Variants in DOCK1 observed in about 807,000 individuals in gnomAD.
DOCK1 encodes dedicator of cytokinesis protein 1.
In DOCK1, 138 loss-of-function variants were observed where a neutral mutation model predicts 262.7. That is an observed-to-expected ratio of 0.53 (90% CI 0.46 to 0.61). DOCK1 has a LOEUF of 0.61. Among genes scored for constraint, DOCK1 ranks in the 20% least tolerant of loss-of-function variants. The pLI, the probability that DOCK1 is intolerant of heterozygous loss-of-function variation, is 0.00. For missense variants in DOCK1, 1,908 were observed against 2,370.7 expected (o/e 0.80, Z 4.05); for synonymous variants, 866 against 867.4 (o/e 1.00, Z 0.03).
At chr10:127,384,746 G>A (rs1365757027) in intron 37 of DOCK1, 44 bp from the exon 38 acceptor site, 7 of 1,506,898 alleles carry the variant, frequency 4.6e-6, no homozygotes, top group Non-Finnish European at 6.2e-6. Context: ...GACGTCCCTG[G>A]GTGTTTCCGC....
rs962280612 is a variant in DOCK1 at position 127,176,857 on chromosome 10, C to A, written c.2847+49093C>A. The A allele has an allele frequency of 6.4e-6, 1 of 155,554 alleles. No homozygotes were observed. The highest frequency in any genetic ancestry group is 2.4e-5 in the African/African-American group (1 of 41,436). The allele number at this position is 155,554 out of a possible 1,614,324, so 9.6% of individuals were successfully genotyped here. A position where few individuals can be genotyped will look rare whatever the true frequency, so the allele number is the denominator to read the frequency against. The stretch of plus-strand genomic sequence containing the variant: ...AATCTATTGCTGGAATCTGGGAGAG[C>A]TGCTGTTTTAAAGACTTACTGGAGC... On this transcript the variant is annotated intron_variant, in intron 27 of 51. Transcript: ENST00000623213. The surrounding 1 kb of genome is among the most constrained non-coding windows in gnomAD (Gnocchi z 4.4).
At chr10:127,089,571 G>A (rs1211069699) in intron 23 of DOCK1, among the ~76,000 whole-genome samples, 2 of 152,180 alleles carry the variant, frequency 1.3e-5, no homozygotes, top group African/African-American at 4.8e-5. Context: ...ATAGGAAAGA[G>A]CCTCCCTCCC....
At chr10:127,019,358 G>A (rs151043571) in intron 13 of DOCK1, among the ~76,000 whole-genome samples, 24 of 152,232 alleles carry the variant, frequency 1.6e-4, no homozygotes, top group Admixed American at 1.4e-3. Context: ...TCCAAATAAC[G>A]TTCCTAATAA....
At chr10:127,089,449 C>T (rs1180686805) in intron 23 of DOCK1, among the ~76,000 whole-genome samples, 1 of 152,130 alleles carries the variant, frequency 6.6e-6, no homozygotes, top group Admixed American at 6.5e-5. Flanking sequence ...CACTTTGTTT[C>T]CTTCCATTCT....
At position 127,122,227 on chromosome 10, in the gene DOCK1, C is replaced by G. The variant is rs535998764; in HGVS notation, c.2624-3247C>G. On this transcript the variant is annotated intron_variant, in intron 25 of 51. Transcript: ENST00000623213. ...TGGGGAATTGCCTTTCTTTGGGGGC[C>G]TGGGATGGGTTGCTGTGGACCAGGT... Among the ~76,000 whole-genome samples the G allele has an allele frequency of 1.3e-5, 2 of 152,230 alleles. 1 individual carries two copies. Among genetic ancestry groups the G allele is most frequent in the African/African-American group, 4.8e-5 (2 of 41,540 alleles).
chr10:127,136,942 A>G (rs2050753522), intron 27 of DOCK1: 1 of 152,664 alleles, frequency 6.6e-6, no homozygotes, highest in Admixed American at 6.5e-5. Context: ...GCCATGGCAC[A>G]GAATGCCTGT....
At chr10:127,214,486 C>G (rs1183688941) in intron 27 of DOCK1, among the ~76,000 whole-genome samples, 2 of 152,202 alleles carry the variant, frequency 1.3e-5, no homozygotes, top group Admixed American at 6.5e-5. Flanking sequence ...TGTGGTTTTG[C>G]AGTCTCTCCA....
chr10:127,099,365 G>C (rs912562688), intron 23 of DOCK1, among the ~76,000 whole-genome samples: 7 of 152,120 alleles, frequency 4.6e-5, no homozygotes, highest in African/African-American at 9.7e-5. Context: ...TTCCATTGCA[G>C]TCCAAATAGG....
In DOCK1 at chr10:127,275,956, G is replaced by A. The variant is rs147931373; in HGVS notation, c.3044+18527G>A. Among the ~76,000 whole-genome samples, 500 of 152,354 alleles carry A rather than the reference G, an allele frequency of 3.3e-3. 2 individuals are homozygous for A. Among genetic ancestry groups the A allele is most frequent in the African/African-American group, 0.01 (429 of 41,582 alleles). ...AATGCCCACGCATGGCGTACAGGCC[G>A]CGTTGGAGATCCCTGCGGCTCATGC... On this transcript the variant is annotated intron_variant, in intron 29 of 51. Coordinates refer to ENST00000623213, the MANE Select transcript of DOCK1 (RefSeq NM_001290223.2).
intron 1 of DOCK1, among the ~76,000 whole-genome samples, chr10:126,961,546 T>C (rs932415152): frequency 1.9e-3 from 292 of 152,358 alleles, no homozygotes; most frequent in Non-Finnish European, 3.7e-3. Context: ...TGTCTCTGAG[T>C]TTGACAACTC....
At chr10:127,029,185 G>C (rs998270691) in intron 16 of DOCK1, among the ~76,000 whole-genome samples, 1 of 152,212 alleles carries the variant, frequency 6.6e-6, no homozygotes, top group East Asian at 1.9e-4. Flanking sequence ...CACAGCTTGT[G>C]GGATTTTGGA....
chr10:127,245,016 T>C (rs1030937632), intron 27 of DOCK1, among the ~76,000 whole-genome samples: 8 of 152,220 alleles, frequency 5.3e-5, no homozygotes, highest in Non-Finnish European at 1.0e-4. Flanking sequence ...TTGTTCCTAA[T>C]AAATGACTGG....
chr10:127,286,388 A>G (rs950812344), intron 29 of DOCK1, among the ~76,000 whole-genome samples: 1 of 152,184 alleles, frequency 6.6e-6, no homozygotes, highest in South Asian at 2.1e-4. Context: ...TGAAGGTAAC[A>G]TATCTTTTTC....
At chr10:126,982,071 A>G (rs913575717) in intron 4 of DOCK1, 98 bp downstream of exon 4, 5 of 1,307,474 alleles carry the variant, frequency 3.8e-6, no homozygotes, top group African/African-American at 2.9e-5. Flanking sequence ...GGTCAAGACA[A>G]TGGGTGTGAT....
chr10:127,145,788 AC>A (rs1363045394), intron 27 of DOCK1: 2 of 311,558 alleles, frequency 6.4e-6, no homozygotes, highest in Admixed American at 4.6e-5. Flanking sequence ...CCATCCTGAT[AC>A]CCATTGAGAG....
chr10:126,934,747 GTTTTTTTTTTT>G (rs1166445414), intron 1 of DOCK1, among the ~76,000 whole-genome samples: 23,121 of 107,866 alleles, frequency 0.21, 2,409 homozygotes, highest in Middle Eastern at 0.39. Context: ...GAATTTACGA[GTTTTTTTTTTT>G]TTTTTTTTTT....
chr10:127,175,462 G>A lies in DOCK1; in HGVS notation c.2847+47698G>A, dbSNP rs1276538182. ...TCACTACATTCGGGGGACAGGCACT[G>A]CATCGGGGGTGAGCAGGCCAGGGCA... On this transcript the variant is annotated intron_variant, in intron 27 of 51. Transcript: ENST00000623213. This position sits in a 1 kb window ranked among gnomAD's most constrained non-coding sequence, Gnocchi z 6.3. The A allele has an allele frequency of 6.2e-7, 1 of 1,610,622 alleles. No individual in the cohort carries two copies. The highest frequency in any genetic ancestry group is 8.5e-7 in the Non-Finnish European group (1 of 1,180,016).
intron 29 of DOCK1, among the ~76,000 whole-genome samples, chr10:127,313,287 A>G (rs947890952): frequency 6.6e-6 from 1 of 152,138 alleles, no homozygotes; most frequent in African/African-American, 2.4e-5. Context: ...GACACACACA[A>G]GCAGGGACAA....
chr10:127,386,715 T>C (rs2066143162), intron 38 of DOCK1, among the ~76,000 whole-genome samples: 1 of 152,014 alleles, frequency 6.6e-6, no homozygotes, highest in African/African-American at 2.4e-5. Flanking sequence ...GTAATAATAA[T>C]AGAAATAAAG....
Sources: gnomAD v4.1 joint callset for allele counts (sites outside exome capture counted in the v4.1 genomes callset) on GRCh38, gnomAD v4.1.1 for gene constraint, Gnocchi (gnomAD v3.1) non-coding constraint, MANE v1.5 for transcripts, NCBI Gene and HGNC (gene_info 2026-07-23, HGNC 2026-07-21) for gene names.